TFEC: variants seen among roughly 807,000 people sequenced by gnomAD.
TFEC encodes the protein class E basic helix-loop-helix protein 34.
Under a neutral mutation model 41.6 loss-of-function variants are expected in TFEC, and 31 were observed. The observed-to-expected ratio is 0.74, with a 90% CI of 0.56 to 1.01. The LOEUF (loss-of-function observed/expected upper bound fraction) is 1.01. Ranked by LOEUF, TFEC falls within the 50% of genes least tolerant of loss-of-function variation. TFEC has a pLI of 0.00. For missense variants in TFEC, 402 were observed against 404.1 expected, an observed-to-expected ratio of 0.99 and a Z score of 0.04; for synonymous variants, 143 against 140.6, an observed-to-expected ratio of 1.02 and a Z score of -0.12.
chr7:115,984,301 T>C lies in TFEC; in HGVS notation c.141A>G (p.Leu47=), dbSNP rs1584637652. Residue 47 remains leucine, a synonymous_variant, in exon 2 of 8, where the codon TTA becomes TTG. Coordinates refer to ENST00000265440, the MANE Select transcript of TFEC (RefSeq NM_012252.4). ...AGLTENPLTK[L]LAIGKEDDNA... ...TGTCATCTTCTTTCCCAATAGCTAG[T>C]AACTTGGTGAGTGGGTTTTCTGTGA... 6.2e-7 allele frequency: 1 copy of C among 1,614,010 alleles called. No homozygotes were observed. The highest frequency in any genetic ancestry group is 8.5e-7 in the Non-Finnish European group (1 of 1,179,958).
intron 5 of TFEC, among the ~76,000 whole-genome samples, chr7:115,952,229 C>T (rs1045023174): frequency 1.3e-5 from 2 of 151,700 alleles, no homozygotes; most frequent in African/African-American, 2.4e-5. Flanking sequence ...GTTTATTTTC[C>T]CTCTTCACCA....
At chr7:116,073,922 A>G (rs1453191681) in intron 3 of TFEC, among the ~76,000 whole-genome samples, 1 of 151,926 alleles carries the variant, frequency 6.6e-6, no homozygotes, top group Non-Finnish European at 1.5e-5. Flanking sequence ...CCTTACATTT[A>G]TGGTCAATTG....
chr7:116,028,932 TAA>T (rs78053951), intron 1 of TFEC, among the ~76,000 whole-genome samples: 26,939 of 152,108 alleles, frequency 0.18, 2,460 homozygotes, highest in East Asian at 0.33. Context: ...TTCCACTATA[TAA>T]GTTAGTAGTA....
chr7:115,998,811 T>A lies in TFEC; in HGVS notation c.-72-14298A>T, dbSNP rs775580559. Among the ~76,000 whole-genome samples, 24 of 151,608 alleles carry A rather than the reference T, an allele frequency of 1.6e-4. 1 individual carries two copies. The South Asian group carries it at 2.1e-3, about 13-fold the overall frequency. On this transcript the variant is annotated intron_variant, in intron 1 of 7. Transcript: ENST00000265440. ...TATAAATATATATGTGCCCCAAAAC[T>A]GGAGCATCCAGATATATAAAACAAA...
chr7:116,136,070 C>T lies in TFEC; in HGVS notation c.-69+23720G>A, dbSNP rs139829130. On this transcript the variant is annotated intron_variant, in intron 1 of 8. Transcript: ENST00000484212. Reference sequence around the variant, plus strand: ...CTCTACACTTTCTTTGGTTCAATTACACCAATCCTTTCTATATGTTTCTCT... The same window carrying T: ...CTCTACACTTTCTTTGGTTCAATTATACCAATCCTTTCTATATGTTTCTCT... Among the ~76,000 whole-genome samples the T allele has an allele frequency of 2.3e-4, 35 of 152,088 alleles. No individual in the cohort carries two copies. The South Asian group carries it at 3.7e-3, about 16-fold the overall frequency.
chr7:115,988,812 G>A (rs1005099688), intron 1 of TFEC, among the ~76,000 whole-genome samples: 3 of 151,734 alleles, frequency 2.0e-5, no homozygotes, highest in African/African-American at 2.4e-5. Context: ...TATATTTGAA[G>A]TACAGAAAAT....
chr7:116,136,461 TAATA>T (rs1378824099), intron 1 of TFEC, among the ~76,000 whole-genome samples: 2 of 151,990 alleles, frequency 1.3e-5, no homozygotes, highest in African/African-American at 4.8e-5. Context: ...CATTACATAC[TAATA>T]AATAGATTCT....
intron 1 of TFEC, among the ~76,000 whole-genome samples, chr7:116,027,628 T>A (rs1004588576): frequency 2.0e-5 from 3 of 152,012 alleles, no homozygotes; most frequent in African/African-American, 7.2e-5. Flanking sequence ...AGGCTCACAT[T>A]CTTACTTGGG....
chr7:116,062,734 C>T (rs1796599548), intron 3 of TFEC, among the ~76,000 whole-genome samples: 1 of 151,396 alleles, frequency 6.6e-6, no homozygotes, highest in East Asian at 1.9e-4. Flanking sequence ...TGGGTAGACA[C>T]CTAATAGTGG....
chr7:115,948,649 C>T (rs1222276534), intron 6 of TFEC, among the ~76,000 whole-genome samples: 3 of 151,640 alleles, frequency 2.0e-5, no homozygotes, highest in African/African-American at 7.3e-5. Context: ...AATTCAACAA[C>T]CCTTCATGCT....
chr7:116,112,257 GCA>G (rs1797871861), intron 1 of TFEC, among the ~76,000 whole-genome samples: 1 of 151,912 alleles, frequency 6.6e-6, no homozygotes, highest in Non-Finnish European at 1.5e-5. Flanking sequence ...CTACTTGAGA[GCA>G]AATAACTGAT....
intron 1 of TFEC, among the ~76,000 whole-genome samples, chr7:116,029,188 T>C (rs1795697909): frequency 1.3e-5 from 2 of 152,042 alleles, no homozygotes; most frequent in South Asian, 4.1e-4. Flanking sequence ...AAAAAAGTAA[T>C]AATAACCCAA....
chr7:116,065,717 G>A (rs912579471), intron 3 of TFEC, among the ~76,000 whole-genome samples: 1 of 152,082 alleles, frequency 6.6e-6, no homozygotes, highest in African/African-American at 2.4e-5. Flanking sequence ...AACCATTTGA[G>A]TATGTATCAC....
intron 3 of TFEC, among the ~76,000 whole-genome samples, chr7:116,080,956 CG>C (rs1296567429): frequency 6.8e-6 from 1 of 147,100 alleles, no homozygotes; most frequent in Non-Finnish European, 1.5e-5. Flanking sequence ...CATCAATCAA[CG>C]AGTGGATAAA....
intron 3 of TFEC, among the ~76,000 whole-genome samples, chr7:116,107,719 G>A (rs1175141507): frequency 6.6e-6 from 1 of 152,128 alleles, no homozygotes; most frequent in African/African-American, 2.4e-5. Context: ...CAATAATAAA[G>A]CTAGTGAGAA....
intron 1 of TFEC, among the ~76,000 whole-genome samples, chr7:116,113,398 G>A (rs753897488): frequency 6.6e-6 from 1 of 151,944 alleles, no homozygotes; most frequent in Non-Finnish European, 1.5e-5. Flanking sequence ...AGTTGTGCTA[G>A]GAGGCAAGCT....
At chr7:115,973,014 T>TA (rs1398869248) in intron 3 of TFEC, among the ~76,000 whole-genome samples, 1 of 152,014 alleles carries the variant, frequency 6.6e-6, no homozygotes, top group African/African-American at 2.4e-5. Flanking sequence ...TCTAGAGAAT[T>TA]AGTTTTCATG....
chr7:116,039,630 T>G (rs1795988267), intron 3 of TFEC, among the ~76,000 whole-genome samples: 2 of 151,952 alleles, frequency 1.3e-5, no homozygotes, highest in Admixed American at 1.3e-4. Context: ...AGGAAACTAA[T>G]AACTATAACA....
intron 3 of TFEC, among the ~76,000 whole-genome samples, chr7:116,073,040 G>A (rs1247377165): frequency 6.6e-6 from 1 of 151,194 alleles, no homozygotes; most frequent in Non-Finnish European, 1.5e-5. Context: ...TGCAAATGAA[G>A]AAATATACTA....
Sources: gnomAD v4.1 joint callset for allele counts (sites outside exome capture counted in the v4.1 genomes callset) on GRCh38, gnomAD v4.1.1 for gene constraint, MANE v1.5 for transcripts, NCBI Gene and HGNC (gene_info 2026-07-23, HGNC 2026-07-21) for gene names.